The following STAMBPL1 variants were observed in gnomAD, a reference collection of about 807,000 sequenced individuals.
The protein encoded by STAMBPL1 is AMSH-like protease.
A neutral mutation model predicts 52.9 loss-of-function variants in STAMBPL1; 44 were observed. The observed-to-expected ratio is 0.83, with a 90% CI of 0.65 to 1.07. The LOEUF is 1.07. STAMBPL1 is among the 50% of genes least tolerant of loss of function. The probability of loss-of-function intolerance (pLI) is 0.00; values close to 1 mark genes in which losing one functional copy is unlikely to be tolerated. For missense variants in STAMBPL1, 511 were observed against 520.8 expected (o/e 0.98, Z 0.18); for synonymous variants, 164 against 177.3 (o/e 0.92, Z 0.60).
intron 3 of STAMBPL1, among the ~76,000 whole-genome samples, chr10:88,907,156 T>C (rs3898174): frequency 0.054 from 8,217 of 152,282 alleles, 576 homozygotes; most frequent in African/African-American, 0.16. Context: ...TTATTTCACA[T>C]ATAATATCAC....
intron 2 of STAMBPL1, among the ~76,000 whole-genome samples, chr10:88,903,046 T>C (rs58673564): frequency 0.054 from 8,206 of 152,276 alleles, 568 homozygotes; most frequent in African/African-American, 0.16. Context: ...GTCATACTTA[T>C]GAGATGTCTT....
chr10:88,881,794 G>A (rs1178326230), intron 1 of STAMBPL1, among the ~76,000 whole-genome samples: 1 of 152,170 alleles, frequency 6.6e-6, no homozygotes, highest in Non-Finnish European at 1.5e-5. Flanking sequence ...TTTCAGGATG[G>A]ATGCTACATT....
intron 1 of STAMBPL1, among the ~76,000 whole-genome samples, chr10:88,887,248 A>G (rs543848234): frequency 8.5e-5 from 13 of 152,314 alleles, no homozygotes; most frequent in African/African-American, 3.1e-4. Context: ...AAATAAATTG[A>G]TAAATAAGAT....
At chr10:88,916,380 AC>A (rs1315619326) in intron 7 of STAMBPL1, among the ~76,000 whole-genome samples, 1 of 151,348 alleles carries the variant, frequency 6.6e-6, no homozygotes, top group Non-Finnish European at 1.5e-5. Context: ...ACTTCCACAG[AC>A]CAGCCTGGAA....
rs999899159 is a variant in STAMBPL1, at chr10:88,919,829, A to C, written c.1042-1454A>C. On this transcript the variant is annotated intron_variant, in intron 8 of 10. Coordinates refer to ENST00000371926, the MANE Select transcript of STAMBPL1 (RefSeq NM_020799.4). ...TTCATTCTATTAAAGCCGAAAAAAA[A>C]CGTTGTCTTGCCTTTTTTTTTTTCA... 2.0e-5 allele frequency among the ~76,000 whole-genome samples: 3 copies of C among 150,556 alleles called. No individual in the cohort carries two copies. The South Asian group carries it at 6.3e-4, about 32-fold the overall frequency.
chr10:88,896,741 C>T (rs571361792), intron 1 of STAMBPL1, among the ~76,000 whole-genome samples: 3 of 152,130 alleles, frequency 2.0e-5, no homozygotes, highest in South Asian at 2.1e-4. Context: ...CTTAGGAGAC[C>T]GTTCACTGCC....
chr10:88,911,107 C>A, intron 5 of STAMBPL1, 96 bp downstream of exon 5: 2 of 810,390 alleles, frequency 2.5e-6, no homozygotes, highest in Non-Finnish European at 3.6e-6. Flanking sequence ...ATGTTTTGTG[C>A]ATTTAAATTA....
intron 2 of STAMBPL1, among the ~76,000 whole-genome samples, chr10:88,903,188 A>G (rs1366082465): frequency 6.6e-6 from 1 of 152,216 alleles, no homozygotes; most frequent in African/African-American, 2.4e-5. Flanking sequence ...CAAATGAAAT[A>G]TTATAGATTG....
intron 3 of STAMBPL1, among the ~76,000 whole-genome samples, chr10:88,907,972 C>A (rs1406375952): frequency 1.3e-5 from 2 of 152,158 alleles, no homozygotes; most frequent in African/African-American, 2.4e-5. Context: ...AAGGGTTATT[C>A]ATTCATTTTG....
chr10:88,919,737 A>G (rs565718953), intron 8 of STAMBPL1, among the ~76,000 whole-genome samples: 2 of 152,166 alleles, frequency 1.3e-5, no homozygotes, highest in African/African-American at 2.4e-5. Flanking sequence ...CTAAGTTTTT[A>G]TATGCCAAGT....
chr10:88,914,495 G>A (rs749604212), intron 6 of STAMBPL1, 39 bp from the exon 7 acceptor site: 2 of 1,432,384 alleles, frequency 1.4e-6, no homozygotes, highest in South Asian at 1.6e-5. Flanking sequence ...GGGACATATA[G>A]TTTGTTTTTT....
At chr10:88,892,033 G>C (rs1844697231) in intron 1 of STAMBPL1, among the ~76,000 whole-genome samples, 3 of 151,330 alleles carry the variant, frequency 2.0e-5, no homozygotes, top group Admixed American at 1.3e-4. Context: ...GAAAAAAAAA[G>C]GTGTCTTATA....
rs574911424 is a variant in STAMBPL1 at position 88,890,110 on chromosome 10, G to A, written c.-54+9472G>A. 1.5e-3 allele frequency among the ~76,000 whole-genome samples: 226 copies of A among 152,332 alleles called. 1 individual carries two copies. The highest frequency in any genetic ancestry group is 5.9e-4 in the Non-Finnish European group (40 of 68,024). On this transcript the variant is annotated intron_variant, in intron 1 of 10. Coordinates refer to ENST00000371926, the MANE Select transcript of STAMBPL1 (RefSeq NM_020799.4). ...AAAGATGGGTAGAAAGTGGAAGTAT[G>A]AACTGAGGATGGGGTGCCTTTGCAT...
At chr10:88,892,353 C>CGTGT (rs5786841) in intron 1 of STAMBPL1, among the ~76,000 whole-genome samples, 1,519 of 149,002 alleles carry the variant, frequency 0.01, 24 homozygotes, top group African/African-American at 0.034. Context: ...TGTGCGTGTG[C>CGTGT]GTGTGTGTGT....
chr10:88,887,277 T>C (rs1170162871), intron 1 of STAMBPL1, among the ~76,000 whole-genome samples: 1 of 152,176 alleles, frequency 6.6e-6, no homozygotes, highest in Non-Finnish European at 1.5e-5. Flanking sequence ...CTCAAAATCA[T>C]TGGTGGGTGT....
intron 1 of STAMBPL1, among the ~76,000 whole-genome samples, chr10:88,890,505 G>A (rs548239704): frequency 3.3e-5 from 5 of 152,346 alleles, no homozygotes; most frequent in African/African-American, 1.2e-4. Flanking sequence ...AGATGTTTTG[G>A]AGGGTGAATC....
chr10:88,891,910 T>C (rs376258133), intron 1 of STAMBPL1, among the ~76,000 whole-genome samples: 1 of 152,086 alleles, frequency 6.6e-6, no homozygotes, highest in African/African-American at 2.4e-5. Flanking sequence ...ACAGGAAAGA[T>C]CCATTTAGCC....
chr10:88,884,889 C>G (rs536440525), intron 1 of STAMBPL1, among the ~76,000 whole-genome samples: 3 of 152,288 alleles, frequency 2.0e-5, no homozygotes, highest in African/African-American at 7.2e-5. Context: ...TTCTGTGAGT[C>G]TCAGTTTCCT....
chr10:88,918,336 A>G (rs1845424534), intron 8 of STAMBPL1, among the ~76,000 whole-genome samples: 1 of 150,394 alleles, frequency 6.6e-6, no homozygotes, highest in South Asian at 2.1e-4. Flanking sequence ...TTTCCTAAGC[A>G]TTTGGTATTA....
Sources: allele counts gnomAD v4.1 joint callset (sites outside exome capture counted in the v4.1 genomes callset), GRCh38; gene constraint gnomAD v4.1.1; transcripts MANE v1.5; gene names NCBI Gene and HGNC (gene_info 2026-07-23, HGNC 2026-07-21).